DOCK1: variants seen among roughly 807,000 people sequenced by gnomAD.
DOCK1 encodes the protein dedicator of cytokinesis 1.
In DOCK1, 138 loss-of-function variants were observed where a neutral mutation model predicts 262.7. The observed-to-expected ratio is 0.53, with a 90% confidence interval of 0.46 to 0.61. The LOEUF (loss-of-function observed/expected upper bound fraction) is 0.61, where lower values mean the gene tolerates loss of function less well. DOCK1 is among the 20% of genes least tolerant of loss of function. The probability of loss-of-function intolerance (pLI) is 0.00; values close to 1 mark genes in which losing one functional copy is unlikely to be tolerated. For missense variants in DOCK1, 1,908 were observed against 2,370.7 expected, an observed-to-expected ratio of 0.80 and a Z score of 4.05; for synonymous variants, 866 against 867.4, an observed-to-expected ratio of 1.00 and a Z score of 0.03.
At chr10:127,266,138 T>C (rs1426702973) in intron 29 of DOCK1, among the ~76,000 whole-genome samples, 1 of 152,246 alleles carries the variant, frequency 6.6e-6, no homozygotes, top group Non-Finnish European at 1.5e-5. Flanking sequence ...GCGTGTTTTC[T>C]TTCCTGTTCT....
intron 22 of DOCK1, 37 bp downstream of exon 22, chr10:127,052,852 G>C (rs1440681629): frequency 1.3e-6 from 2 of 1,579,098 alleles, no homozygotes; most frequent in African/African-American, 1.3e-5. Flanking sequence ...GGCTCTCAGA[G>C]GACTGGCAGG....
chr10:126,946,179 T>C (rs1315694413), intron 1 of DOCK1, among the ~76,000 whole-genome samples: 1 of 152,212 alleles, frequency 6.6e-6, no homozygotes, highest in Non-Finnish European at 1.5e-5. Context: ...ATTAAATACA[T>C]CTACAGTGTT....
At chr10:127,222,938 A>G (rs1206896217) in intron 27 of DOCK1, among the ~76,000 whole-genome samples, 2 of 152,128 alleles carry the variant, frequency 1.3e-5, no homozygotes, top group South Asian at 4.1e-4. Flanking sequence ...TAGCTTCCCC[A>G]AATTCTGAGA....
chr10:126,968,606 A>T (rs2134646095), intron 1 of DOCK1, among the ~76,000 whole-genome samples: 1 of 152,276 alleles, frequency 6.6e-6, no homozygotes. Flanking sequence ...GCTTGAATGT[A>T]TTTACCCTTG....
chr10:126,929,952 T>G (rs1352214620), intron 1 of DOCK1, among the ~76,000 whole-genome samples: 1 of 152,348 alleles, frequency 6.6e-6, no homozygotes, highest in East Asian at 1.9e-4. Context: ...TGTACCCATT[T>G]AGCAGTTTCT....
At chr10:127,006,604 C>T (rs1212517136) in intron 10 of DOCK1, among the ~76,000 whole-genome samples, 2 of 152,172 alleles carry the variant, frequency 1.3e-5, no homozygotes, top group South Asian at 2.1e-4. Context: ...CTGGGAAGCG[C>T]GATGAGCGGT....
intron 29 of DOCK1, among the ~76,000 whole-genome samples, chr10:127,294,316 G>T (rs1221115151): frequency 1.3e-5 from 2 of 151,506 alleles, no homozygotes; most frequent in African/African-American, 4.9e-5. Flanking sequence ...GTTTTGTTTT[G>T]TTTTGTTTTT....
At chr10:127,401,787 G>A (rs116351296) in intron 38 of DOCK1, among the ~76,000 whole-genome samples, 1 of 152,182 alleles carries the variant, frequency 6.6e-6, no homozygotes, top group Non-Finnish European at 1.5e-5. Context: ...TGTCAGGACA[G>A]CCCTCTCCTG....
At chr10:127,396,520 G>A (rs2386839) in intron 38 of DOCK1, among the ~76,000 whole-genome samples, 62,560 of 151,928 alleles carry the variant, frequency 0.41, 13,554 homozygotes, top group Middle Eastern at 0.53. Context: ...CGTAAAGGAT[G>A]GTCTGCACTT....
intron 27 of DOCK1, among the ~76,000 whole-genome samples, chr10:127,171,223 C>G (rs965009836): frequency 1.3e-5 from 2 of 152,054 alleles, no homozygotes; most frequent in Non-Finnish European, 2.9e-5. Context: ...GAGTCTCTTA[C>G]GAAAAATAAT....
intron 32 of DOCK1, among the ~76,000 whole-genome samples, chr10:127,357,303 T>C (rs1265312781): frequency 1.3e-5 from 2 of 152,204 alleles, no homozygotes; most frequent in Non-Finnish European, 2.9e-5. Context: ...GTCCCTGAGA[T>C]TGATCACCAC....
At chr10:126,954,564 T>C (rs2036580573) in intron 1 of DOCK1, among the ~76,000 whole-genome samples, 1 of 152,196 alleles carries the variant, frequency 6.6e-6, no homozygotes, top group Admixed American at 6.5e-5. Context: ...AGACAGACTC[T>C]GTTCCTATTA....
Position 126,981,957 on chromosome 10 carries a change from A to G in DOCK1, c.211A>G (p.Ile71Val), listed in dbSNP as rs199845959. ...TTCATATATTCATCTTAAAGAAGCG[A>G]TAGTTGAAGGAAAAGGGTGAGTCTG... ...PASYIHLKEA[I>V]VEGKGQHETV... is the part of the protein sequence containing the mutation. Residue 71 changes from isoleucine to valine, a missense_variant, in exon 4 of 52, where the codon ATA becomes GTA. Ile to Val is a conservative substitution (Grantham distance 29). Coordinates refer to ENST00000623213, the MANE Select transcript of DOCK1 (RefSeq NM_001290223.2). 1,256 of 1,613,442 alleles carry G rather than the reference A, an allele frequency of 7.8e-4. No individual in the cohort carries two copies. The highest frequency in any genetic ancestry group is 1.0e-3 in the Non-Finnish European group (1,193 of 1,179,782).
At chr10:127,385,978 T>G (rs1270048007) in intron 38 of DOCK1, among the ~76,000 whole-genome samples, 1 of 152,184 alleles carries the variant, frequency 6.6e-6, no homozygotes, top group Non-Finnish European at 1.5e-5. Context: ...TAAGGTCAGA[T>G]TCAGAAATAT....
intron 10 of DOCK1, among the ~76,000 whole-genome samples, chr10:127,005,031 CTT>C (rs1375528851): frequency 2.0e-5 from 3 of 151,928 alleles, no homozygotes; most frequent in Non-Finnish European, 4.4e-5. Flanking sequence ...CAGATGTTCT[CTT>C]TGTTACTAAG....
intron 25 of DOCK1, among the ~76,000 whole-genome samples, chr10:127,115,126 C>A (rs2049104254): frequency 6.6e-6 from 1 of 152,130 alleles, no homozygotes; most frequent in Non-Finnish European, 1.5e-5. Flanking sequence ...CACAGCATTC[C>A]ATTTTTTGTC....
At chr10:127,133,469 G>A (rs1153019) in intron 27 of DOCK1, among the ~76,000 whole-genome samples, 124,995 of 152,158 alleles carry the variant, frequency 0.82, 52,040 homozygotes, top group East Asian at 0.94. Flanking sequence ...TAATAAACCT[G>A]CCTGCTTTCA....
intron 1 of DOCK1, among the ~76,000 whole-genome samples, chr10:126,942,943 A>G (rs1399372960): frequency 6.6e-6 from 1 of 152,128 alleles, no homozygotes; most frequent in South Asian, 2.1e-4. Flanking sequence ...TTTCTTGTTC[A>G]TCTAGAAATG....
intron 35 of DOCK1, among the ~76,000 whole-genome samples, chr10:127,375,398 G>A (rs1191778924): frequency 6.6e-6 from 1 of 152,172 alleles, no homozygotes; most frequent in Non-Finnish European, 1.5e-5. Context: ...TCCCTTCTCT[G>A]CCCAGCCACT....
Sources: allele counts gnomAD v4.1 joint callset (sites outside exome capture counted in the v4.1 genomes callset), GRCh38; gene constraint gnomAD v4.1.1; transcripts MANE v1.5; gene names NCBI Gene and HGNC (gene_info 2026-07-23, HGNC 2026-07-21).